Variants in HTR1F observed in about 807,000 individuals in gnomAD.
The protein encoded by HTR1F is 5-hydroxytryptamine (serotonin) receptor 1F, G protein-coupled.
In HTR1F, 17 loss-of-function variants were observed where a neutral mutation model predicts 24.0. The observed-to-expected ratio is 0.71, with a 90% CI of 0.48 to 1.06. HTR1F has a LOEUF of 1.06. HTR1F is among the 50% of genes least tolerant of loss of function. The pLI, the probability that HTR1F is intolerant of heterozygous loss-of-function variation, is 0.00. For missense variants in HTR1F, 391 were observed against 427.8 expected (o/e 0.91, Z 0.76); for synonymous variants, 186 against 156.8 (o/e 1.19, Z -1.39).
intron 2 of HTR1F, among the ~76,000 whole-genome samples, chr3:87,882,998 C>T (rs1388228280): frequency 6.6e-6 from 1 of 152,160 alleles, no homozygotes; most frequent in Non-Finnish European, 1.5e-5. Flanking sequence ...ACTGCCTCCT[C>T]AAGTGGGTTC....
At chr3:87,987,983 T>C (rs1705715452) in intron 2 of HTR1F, among the ~76,000 whole-genome samples, 1 of 150,944 alleles carries the variant, frequency 6.6e-6, no homozygotes, top group African/African-American at 2.4e-5. Context: ...AGAGAGAAAC[T>C]CATAGATGTG....
intron 2 of HTR1F, among the ~76,000 whole-genome samples, chr3:87,835,920 C>A (rs1303565688): frequency 7.2e-5 from 11 of 152,138 alleles, no homozygotes; most frequent in Non-Finnish European, 1.5e-4. Flanking sequence ...CAGACCCTTG[C>A]ATTAGCTGTA....
intron 2 of HTR1F, among the ~76,000 whole-genome samples, chr3:87,895,560 G>A (rs551605387): frequency 2.0e-5 from 3 of 152,052 alleles, no homozygotes; most frequent in East Asian, 1.9e-4. Context: ...TATTAGGAAC[G>A]ATTTCCTCAT....
rs1487512922 is a variant in HTR1F, at chr3:87,898,140, A to C, written c.-43+76016A>C. 2.0e-5 allele frequency among the ~76,000 whole-genome samples: 3 copies of C among 152,180 alleles called. No individual in the cohort carries two copies. In the East Asian group the frequency reaches 5.8e-4, roughly 29 times the overall value. On this transcript the variant is annotated intron_variant, in intron 2 of 2. Transcript: ENST00000319595. ...TAAGACAGAGTGGAAATCCCCTTAC[A>C]GTATTACCAAGGAACAAGATGGGCT...
At chr3:87,925,463 T>C (rs1343814963) in intron 2 of HTR1F, among the ~76,000 whole-genome samples, 1 of 152,112 alleles carries the variant, frequency 6.6e-6, no homozygotes, top group African/African-American at 2.4e-5. Flanking sequence ...AGTGCTGTGG[T>C]CACATTTGTA....
chr3:87,948,105 C>T (rs1230689067), intron 2 of HTR1F, among the ~76,000 whole-genome samples: 2 of 151,960 alleles, frequency 1.3e-5, no homozygotes, highest in Admixed American at 6.6e-5. Context: ...AAGGCTTATC[C>T]TATCATCATA....
chr3:87,976,776 G>A (rs184987202), intron 2 of HTR1F, among the ~76,000 whole-genome samples: 16 of 152,152 alleles, frequency 1.1e-4, no homozygotes, highest in East Asian at 1.9e-4. Flanking sequence ...TATCTTGCAC[G>A]TAGTTAAATA....
rs192618041 is a variant in HTR1F at position 87,843,068 on chromosome 3, A to G, written c.-43+20944A>G. Among the ~76,000 whole-genome samples the G allele has an allele frequency of 1.0e-3, 159 of 152,024 alleles. 1 individual carries two copies. Among genetic ancestry groups the G allele is most frequent in the African/African-American group, 3.7e-3 (151 of 41,302 alleles). On this transcript the variant is annotated intron_variant, in intron 2 of 2. Coordinates refer to ENST00000319595, the MANE Select transcript of HTR1F (RefSeq NM_001322209.2). ...TCCATTTTTCAAGTGGACCCATGCA[A>G]TTGAAGCCGCTGAGGTTTTATCTGT...
intron 2 of HTR1F, among the ~76,000 whole-genome samples, chr3:87,932,238 G>A (rs1208572593): frequency 1.3e-5 from 2 of 152,102 alleles, no homozygotes; most frequent in Admixed American, 6.6e-5. Flanking sequence ...GTAAGGAAGG[G>A]ATCCAGTTTC....
intron 1 of HTR1F, among the ~76,000 whole-genome samples, chr3:87,813,726 G>T (rs1704199442): frequency 6.6e-6 from 1 of 152,152 alleles, no homozygotes. Context: ...ATTGGATTAT[G>T]GGGGTCATTC....
intron 2 of HTR1F, among the ~76,000 whole-genome samples, chr3:87,862,708 T>C (rs1285654100): frequency 6.6e-6 from 1 of 152,226 alleles, no homozygotes; most frequent in Non-Finnish European, 1.5e-5. Flanking sequence ...TCTGCAATCA[T>C]TGAAATTGTG....
intron 2 of HTR1F, among the ~76,000 whole-genome samples, chr3:87,926,001 C>T (rs1704118200): frequency 6.6e-6 from 1 of 152,210 alleles, no homozygotes; most frequent in South Asian, 2.1e-4. Context: ...CTGGACACCT[C>T]CAATCAGCTA....
chr3:87,821,728 G>A (rs1277236026), intron 1 of HTR1F, among the ~76,000 whole-genome samples: 1 of 152,082 alleles, frequency 6.6e-6, no homozygotes, highest in Non-Finnish European at 1.5e-5. Flanking sequence ...CTAGTAGATA[G>A]TAATAAACGT....
chr3:87,945,041 T>C (rs539254058), intron 2 of HTR1F, among the ~76,000 whole-genome samples: 4 of 152,282 alleles, frequency 2.6e-5, no homozygotes, highest in African/African-American at 9.6e-5. Flanking sequence ...TTTTGTTTTT[T>C]ACTATTTCTA....
chr3:87,800,656 G>T (rs1313745667), intron 1 of HTR1F, among the ~76,000 whole-genome samples: 1 of 152,158 alleles, frequency 6.6e-6, no homozygotes. Context: ...GTAGTGCTCA[G>T]CACAAACAGC....
At chr3:87,861,448 C>G (rs1705316539) in intron 2 of HTR1F, among the ~76,000 whole-genome samples, 1 of 152,046 alleles carries the variant, frequency 6.6e-6, no homozygotes, top group Non-Finnish European at 1.5e-5. Context: ...ATTAGAAGAA[C>G]AAAATCAAAA....
At chr3:87,936,269 A>G (rs1156440461) in intron 2 of HTR1F, among the ~76,000 whole-genome samples, 2 of 152,244 alleles carry the variant, frequency 1.3e-5, no homozygotes, top group South Asian at 4.1e-4. Context: ...ACAATTGTGC[A>G]TTCAGTATGC....
At chr3:87,869,770 C>A (rs1374084447) in intron 2 of HTR1F, among the ~76,000 whole-genome samples, 1 of 152,018 alleles carries the variant, frequency 6.6e-6, no homozygotes, top group Non-Finnish European at 1.5e-5. Flanking sequence ...TTAGGAAGGG[C>A]AATCTGCTTG....
intron 2 of HTR1F, among the ~76,000 whole-genome samples, chr3:87,956,615 A>T (rs1012098162): frequency 7.9e-5 from 12 of 151,348 alleles, no homozygotes; most frequent in African/African-American, 2.4e-4. Context: ...CTGAATCTTT[A>T]AATATATGCC....
Sources: allele counts gnomAD v4.1 joint callset (sites outside exome capture counted in the v4.1 genomes callset), GRCh38; gene constraint gnomAD v4.1.1; transcripts MANE v1.5; gene names NCBI Gene and HGNC (gene_info 2026-07-23, HGNC 2026-07-21).